The following OPCML variants were observed in gnomAD, a reference collection of about 807,000 sequenced individuals.
The protein encoded by OPCML is opioid binding protein/cell adhesion molecule like.
In OPCML, 13 loss-of-function variants were observed where a neutral mutation model predicts 37.8. That is an observed-to-expected ratio of 0.34 (90% CI 0.22 to 0.55). OPCML has a LOEUF of 0.55. Ranked by LOEUF, OPCML falls within the 20% of genes least tolerant of loss-of-function variation. The probability of loss-of-function intolerance (pLI) is 0.91; values close to 1 mark genes in which losing one functional copy is unlikely to be tolerated. For synonymous variants in OPCML, 176 were observed against 168.8 expected (o/e 1.04, Z -0.33); for missense variants, 341 against 435.6 (o/e 0.78, Z 1.93).
At chr11:133,075,169 G>T (rs1439913176) in intron 1 of OPCML, among the ~76,000 whole-genome samples, 4 of 152,210 alleles carry the variant, frequency 2.6e-5, no homozygotes, top group South Asian at 2.1e-4. Context: ...TAAAGTAGCT[G>T]CAAGAGTGCA....
intron 1 of OPCML, among the ~76,000 whole-genome samples, chr11:133,073,771 C>A (rs1400380660): frequency 6.6e-6 from 1 of 152,162 alleles, no homozygotes; most frequent in African/African-American, 2.4e-5. Context: ...TGAACAAATG[C>A]AATGAATAGT....
At chr11:133,318,486 G>C (rs1943255205) in intron 1 of OPCML, among the ~76,000 whole-genome samples, 1 of 94,254 alleles carries the variant, frequency 1.1e-5, no homozygotes, top group South Asian at 4.9e-4. Context: ...TTTCCTCTTA[G>C]TAACTTTCCA....
At chr11:132,556,293 A>T (rs2096395445) in intron 3 of OPCML, among the ~76,000 whole-genome samples, 1 of 152,176 alleles carries the variant, frequency 6.6e-6, no homozygotes, top group African/African-American at 2.4e-5. Flanking sequence ...TAATTCTAAG[A>T]TGAACTTAAG....
chr11:133,314,216 C>CAG lies in OPCML; in HGVS notation c.61+218046_61+218047dup, dbSNP rs375344586. On this transcript the variant is annotated intron_variant, in intron 1 of 7. Transcript: ENST00000524381. Reference sequence around the variant, plus strand: ...CGCCACTGCACTCCAGCCTGGGCTACAGCGAGACTCCGTCTCAAAAAAAAA... The same window carrying CAG: ...CGCCACTGCACTCCAGCCTGGGCTACAGAGCGAGACTCCGTCTCAAAAAAAAA... Among the ~76,000 whole-genome samples the CAG allele has an allele frequency of 5.0e-3, 552 of 109,584 alleles. 2 individuals carry two copies. Among genetic ancestry groups the CAG allele is most frequent in the African/African-American group, 0.015 (386 of 26,472 alleles). The allele number at this position is 109,584 out of a possible 152,430, so 71.9% of individuals were successfully genotyped here. A position where few individuals can be genotyped will look rare whatever the true frequency, so the allele number is the denominator to read the frequency against.
chr11:132,783,002 A>G (rs12275225), intron 2 of OPCML, among the ~76,000 whole-genome samples: 53,951 of 148,612 alleles, frequency 0.36, 10,353 homozygotes, highest in Non-Finnish European at 0.43. Flanking sequence ...CTATAGCTTC[A>G]CAGAGTAGAG....
chr11:132,795,904 G>A (rs889192138), intron 2 of OPCML, among the ~76,000 whole-genome samples: 1 of 152,198 alleles, frequency 6.6e-6, no homozygotes, highest in African/African-American at 2.4e-5. Flanking sequence ...TTCTATATCT[G>A]TGAGCTCCAC....
At chr11:133,198,074 G>T (rs953924810) in intron 1 of OPCML, among the ~76,000 whole-genome samples, 2 of 152,166 alleles carry the variant, frequency 1.3e-5, no homozygotes, top group African/African-American at 4.8e-5. Context: ...TAAATGAAAT[G>T]ATATTTTTCA....
chr11:132,880,436 A>G (rs1943186089), intron 2 of OPCML, among the ~76,000 whole-genome samples: 1 of 152,162 alleles, frequency 6.6e-6, no homozygotes, highest in African/African-American at 2.4e-5. Context: ...AAAGATACTC[A>G]GGGCTCAAAA....
intron 1 of OPCML, among the ~76,000 whole-genome samples, chr11:133,115,840 A>C (rs1433103587): frequency 6.7e-6 from 1 of 149,936 alleles, no homozygotes; most frequent in Non-Finnish European, 1.5e-5. Context: ...ATTTGTTTTC[A>C]CATGTTTACT....
intron 2 of OPCML, among the ~76,000 whole-genome samples, chr11:132,816,205 A>G (rs765740347): frequency 1.2e-4 from 18 of 152,206 alleles, no homozygotes; most frequent in African/African-American, 2.2e-4. Context: ...GTGGTTTAAC[A>G]TGATCATAGA....
chr11:133,382,143 A>T (rs767749989), intron 1 of OPCML, among the ~76,000 whole-genome samples: 4 of 152,164 alleles, frequency 2.6e-5, no homozygotes, highest in African/African-American at 9.7e-5. Context: ...ATTGCTTTTG[A>T]CTTGACTTAC....
At chr11:132,708,252 C>T (rs1474485020) in intron 2 of OPCML, among the ~76,000 whole-genome samples, 2 of 152,190 alleles carry the variant, frequency 1.3e-5, no homozygotes, top group African/African-American at 2.4e-5. Flanking sequence ...AACTATAACT[C>T]TATAACCTAC....
intron 1 of OPCML, among the ~76,000 whole-genome samples, chr11:133,217,654 G>C (rs550375640): frequency 6.6e-6 from 1 of 152,170 alleles, no homozygotes; most frequent in Non-Finnish European, 1.5e-5. Context: ...GGGGAGATGA[G>C]CAAGATGGGG....
At chr11:132,676,024 T>C (rs1942686858) in intron 2 of OPCML, among the ~76,000 whole-genome samples, 1 of 152,166 alleles carries the variant, frequency 6.6e-6, no homozygotes, top group Admixed American at 6.5e-5. Flanking sequence ...GGAATCACAC[T>C]TTCCAATGTT....
At chr11:132,649,589 T>C (rs1180937209) in intron 3 of OPCML, among the ~76,000 whole-genome samples, 2 of 152,168 alleles carry the variant, frequency 1.3e-5, no homozygotes, top group Non-Finnish European at 2.9e-5. Context: ...GAGGGTATTC[T>C]GGACAGTAAC....
At chr11:133,134,948 CATTTCCTGGAT>C (rs887093245) in intron 1 of OPCML, among the ~76,000 whole-genome samples, 3 of 152,208 alleles carry the variant, frequency 2.0e-5, no homozygotes, top group Admixed American at 2.0e-4. Context: ...TCCTCCTCTT[CATTTCCTGGAT>C]ATTGTTCTAG....
intron 1 of OPCML, among the ~76,000 whole-genome samples, chr11:133,051,300 C>T (rs1480234450): frequency 1.3e-5 from 2 of 152,094 alleles, no homozygotes; most frequent in South Asian, 2.1e-4. Flanking sequence ...TTTTATTACC[C>T]GTATTTTACC....
intron 2 of OPCML, among the ~76,000 whole-genome samples, chr11:132,767,832 G>A (rs1946505477): frequency 6.6e-6 from 1 of 151,716 alleles, no homozygotes; most frequent in Non-Finnish European, 1.5e-5. Flanking sequence ...CCCTCCTGCA[G>A]TTGAATTAAA....
At chr11:132,441,798 G>C (rs2096036558) in intron 4 of OPCML, among the ~76,000 whole-genome samples, 1 of 152,248 alleles carries the variant, frequency 6.6e-6, no homozygotes, top group African/African-American at 2.4e-5. Flanking sequence ...ATCCGGGGAT[G>C]TGGGGGTTGT....
Sources: allele counts gnomAD v4.1 joint callset (sites outside exome capture counted in the v4.1 genomes callset), GRCh38; gene constraint gnomAD v4.1.1; transcripts MANE v1.5; gene names NCBI Gene and HGNC (gene_info 2026-07-23, HGNC 2026-07-21).